The following PHF2 variants were observed in gnomAD, a reference collection of about 807,000 sequenced individuals.
PHF2 encodes the protein lysine-specific demethylase PHF2.
A neutral mutation model predicts 120.5 loss-of-function variants in PHF2; 27 were observed. That is an observed-to-expected ratio of 0.22 (90% confidence interval 0.17 to 0.31). The LOEUF (loss-of-function observed/expected upper bound fraction) is 0.31, where lower values mean the gene tolerates loss of function less well. Ranked by LOEUF, PHF2 falls within the 10% of genes least tolerant of loss-of-function variation. The probability of loss-of-function intolerance (pLI) is 1.00; values close to 1 mark genes in which losing one functional copy is unlikely to be tolerated. For missense variants in PHF2, 1,024 were observed against 1,434.8 expected, an observed-to-expected ratio of 0.71 and a Z score of 4.63; for synonymous variants, 568 against 592.5, an observed-to-expected ratio of 0.96 and a Z score of 0.60.
At position 93,674,859 on chromosome 9, in the gene PHF2, C is replaced by T. The variant is rs929798904; in HGVS notation, c.2627-68C>T. ...GAGGAAGGTCTGCAGCCACCTGTAC[C>T]CCCCCGCCCTCCTCCGTGGACCTGC... On this transcript the variant is annotated intron_variant, in intron 18 of 21. Transcript: ENST00000359246. The T allele has an allele frequency of 4.2e-5, 48 of 1,133,090 alleles. No individual in the cohort carries two copies. In the Middle Eastern group the frequency reaches 1.2e-3, roughly 29 times the overall value. 70.2% of individuals were successfully genotyped at this position (1,133,090 alleles called of 1,614,324 possible).
intron 1 of PHF2, among the ~76,000 whole-genome samples, chr9:93,592,577 G>A (rs912971707): frequency 5.3e-5 from 8 of 152,254 alleles, no homozygotes; most frequent in African/African-American, 1.7e-4. Flanking sequence ...GTGGTTGCTT[G>A]GTGAGTCTCT....
intron 20 of PHF2, among the ~76,000 whole-genome samples, chr9:93,676,312 T>C (rs1826909950): frequency 6.6e-6 from 1 of 152,136 alleles, no homozygotes; most frequent in East Asian, 1.9e-4. Context: ...AACTGGGAGA[T>C]GTATATGGCC....
At chr9:93,580,602 C>G (rs1862914056) in intron 1 of PHF2, among the ~76,000 whole-genome samples, 1 of 152,220 alleles carries the variant, frequency 6.6e-6, no homozygotes, top group Non-Finnish European at 1.5e-5. Flanking sequence ...TTTAAACATC[C>G]TTAACATGTA....
At chr9:93,594,563 C>A (rs1022348540) in intron 1 of PHF2, among the ~76,000 whole-genome samples, 1 of 152,198 alleles carries the variant, frequency 6.6e-6, no homozygotes, top group Non-Finnish European at 1.5e-5. Context: ...CTTGTGGACA[C>A]CTGCAGAGGA....
At chr9:93,594,266 A>G (rs894374663) in intron 1 of PHF2, among the ~76,000 whole-genome samples, 10 of 150,556 alleles carry the variant, frequency 6.6e-5, no homozygotes, top group African/African-American at 2.5e-4. Flanking sequence ...GAGCTACCCG[A>G]GGGCCCCTGT....
Position 93,649,114 on chromosome 9 carries a change from G to T in PHF2, c.504G>T (p.Lys168Asn), listed in dbSNP as rs375528061. The change falls in exon 5 of 22, where the codon AAG becomes AAT. Residue 168 changes from lysine to asparagine, a missense_variant. Transcript: ENST00000359246. ...ATGTGACAGATGTCACCAAGCAGAA[G>T]GACTGCAAGATGAAGCTGAAGGAGT... ...SVDVTDVTKQ[K>N]DCKMKLKEFV... is the part of the protein sequence containing the mutation. The T allele has an allele frequency of 1.4e-5, 21 of 1,551,164 alleles. No individual in the cohort carries two copies. The Admixed American group carries it at 1.8e-4, about 13-fold the overall frequency.
chr9:93,613,180 T>C (rs1310720392), intron 1 of PHF2, among the ~76,000 whole-genome samples: 3 of 152,152 alleles, frequency 2.0e-5, no homozygotes, highest in African/African-American at 7.2e-5. Context: ...TTCCCATCAG[T>C]CGTGTTTGGG....
rs1178667753 is a variant in PHF2, at chr9:93,679,366, A to G, written c.*1690A>G. The G allele has an allele frequency of 4.7e-6, 2 of 428,966 alleles. No homozygotes were observed. The highest frequency in any genetic ancestry group is 7.3e-5 in the East Asian group (1 of 13,680). The allele number at this position is 428,966 out of a possible 1,614,324, so 26.6% of individuals were successfully genotyped here. Reference sequence around the variant, plus strand: ...TTCCTTTACCCTGCCCTTGTTGAACATTTATATAATCTAACCTGGACATCA... The same window carrying G: ...TTCCTTTACCCTGCCCTTGTTGAACGTTTATATAATCTAACCTGGACATCA... On this transcript the variant is annotated 3_prime_UTR_variant, in exon 22 of 22. Transcript: ENST00000359246.
intron 1 of PHF2, among the ~76,000 whole-genome samples, chr9:93,624,322 G>C (rs1825871106): frequency 6.6e-6 from 1 of 152,156 alleles, no homozygotes; most frequent in Non-Finnish European, 1.5e-5. Flanking sequence ...TGAGGATGAT[G>C]ATGGTGATTG....
intron 1 of PHF2, among the ~76,000 whole-genome samples, chr9:93,598,345 G>C (rs925693246): frequency 6.6e-6 from 1 of 152,204 alleles, no homozygotes; most frequent in African/African-American, 2.4e-5. Flanking sequence ...CTGCCACTGC[G>C]CTTATCATCA....
intron 5 of PHF2, among the ~76,000 whole-genome samples, chr9:93,650,289 TCAAA>T (rs745359367): frequency 1.7e-4 from 26 of 151,664 alleles, no homozygotes; most frequent in South Asian, 1.0e-3. Flanking sequence ...ACTGACACAC[TCAAA>T]CACAACAATA....
At chr9:93,579,245 C>T (rs960915714) in intron 1 of PHF2, among the ~76,000 whole-genome samples, 2 of 152,156 alleles carry the variant, frequency 1.3e-5, no homozygotes, top group Admixed American at 6.5e-5. Flanking sequence ...TCCTGATCTT[C>T]GTACCGCCTG....
intron 13 of PHF2, 138 bp downstream of exon 13, chr9:93,663,164 G>C (rs1399128376): frequency 8.0e-7 from 1 of 1,246,650 alleles, no homozygotes; most frequent in Non-Finnish European, 1.1e-6. Context: ...AGTGCTGTGG[G>C]GTGTGCTTAC....
chr9:93,601,060 C>T (rs1361372891), intron 1 of PHF2, among the ~76,000 whole-genome samples: 2 of 152,164 alleles, frequency 1.3e-5, no homozygotes, highest in Non-Finnish European at 2.9e-5. Context: ...TAAGGGTTTC[C>T]TTCTGTAGTT....
chr9:93,663,106 T>C (rs1486605112), intron 13 of PHF2, 80 bp downstream of exon 13: 1 of 1,576,996 alleles, frequency 6.3e-7, no homozygotes, highest in African/African-American at 1.3e-5. Flanking sequence ...TGAGGCCCTG[T>C]GTGTGTGAAG....
At chr9:93,670,988 T>C in intron 17 of PHF2, 1 of 984,258 alleles carries the variant, frequency 1.0e-6, no homozygotes, top group Non-Finnish European at 1.2e-6. Context: ...CAGCTGTGTC[T>C]GTTCAGGTGC....
intron 2 of PHF2, among the ~76,000 whole-genome samples, chr9:93,633,734 G>T (rs2001587): frequency 6.6e-6 from 1 of 152,198 alleles, no homozygotes; most frequent in Admixed American, 6.5e-5. Flanking sequence ...GTAGCCGGGG[G>T]CCCCTGGCCT....
intron 3 of PHF2, among the ~76,000 whole-genome samples, chr9:93,645,218 A>C (rs936901665): frequency 6.6e-6 from 1 of 152,190 alleles, no homozygotes; most frequent in Admixed American, 6.5e-5. Context: ...GGAGGCACCT[A>C]GCCGAGAAGG....
chr9:93,609,506 C>T (rs543881634), intron 1 of PHF2, among the ~76,000 whole-genome samples: 134 of 150,994 alleles, frequency 8.9e-4, no homozygotes, highest in African/African-American at 3.1e-3. Flanking sequence ...CTTTATTTCT[C>T]CTTCACTTTT....
Sources: gnomAD v4.1 joint callset for allele counts (sites outside exome capture counted in the v4.1 genomes callset) on GRCh38, gnomAD v4.1.1 for gene constraint, MANE v1.5 for transcripts, NCBI Gene and HGNC (gene_info 2026-07-23, HGNC 2026-07-21) for gene names.